The following SEC24D variants were observed in gnomAD, a reference collection of about 807,000 sequenced individuals.
The protein encoded by SEC24D is protein transport protein Sec24D.
In SEC24D, 69 loss-of-function variants were observed where a neutral mutation model predicts 116.9. The observed-to-expected ratio is 0.59, with a 90% CI of 0.49 to 0.72. The LOEUF is 0.72. Ranked by LOEUF, SEC24D falls within the 30% of genes least tolerant of loss-of-function variation. The probability of loss-of-function intolerance (pLI) is 0.00; values close to 1 mark genes in which losing one functional copy is unlikely to be tolerated. For synonymous variants in SEC24D, 405 were observed against 442.8 expected (o/e 0.91, Z 1.07); for missense variants, 1,131 against 1,264.1 (o/e 0.89, Z 1.60).
chr4:118,732,658 A>G (rs1725750454), intron 20 of SEC24D, 75 bp downstream of exon 20: 4 of 1,355,912 alleles, frequency 3.0e-6, no homozygotes, highest in Non-Finnish European at 4.1e-6. Context: ...TATTTCAGAT[A>G]TAACATACGG....
In SEC24D at chr4:118,731,369, G is replaced by C. The variant is rs757577562; in HGVS notation, c.2815C>G (p.Leu939Val). The change falls in exon 21 of 23, where the codon CTG becomes GTG. Residue 939 changes from leucine to valine, a missense_variant. Transcript: ENST00000280551. Reference sequence around the variant, plus strand: ...GGCACATTAAATATTCCTTGGATCAGTTCTGGTGGGCTGCTTACTCCCAAC... The same window carrying C: ...GGCACATTAAATATTCCTTGGATCACTTCTGGTGGGCTGCTTACTCCCAAC... Reference protein sequence around the residue: ...LWLGVSSPPELIQGIFNVPSF... With the variant: ...LWLGVSSPPEVIQGIFNVPSF... 6.2e-7 allele frequency: 1 copy of C among 1,614,040 alleles called. No individual in the cohort carries two copies. Among genetic ancestry groups the C allele is most frequent in the Non-Finnish European group, 8.5e-7 (1 of 1,179,922 alleles).
Position 118,731,336 on chromosome 4 carries a change from CA to C in SEC24D, c.2847del (p.Phe949LeufsTer8). Reference protein sequence around the residue: ...LIQGIFNVPSFAHINTDMTLL... With the variant: ...LIQGIFNVPSXAHINTDMTLL... Reference sequence around the variant, plus strand: ...CTTACCATATCTGTGTTGATATGTGCAAAAGATGGCACATTAAATATTCCTT... The same window carrying C: ...CTTACCATATCTGTGTTGATATGTGCAAAGATGGCACATTAAATATTCCTT... On this transcript the variant is annotated frameshift_variant, in exon 21 of 23. Transcript: ENST00000280551. LOFTEE classifies it high-confidence loss of function. The C allele has an allele frequency of 6.2e-7, 1 of 1,613,842 alleles. No individual in the cohort carries two copies.
chr4:118,791,736 G>A (rs1728913069), intron 8 of SEC24D, among the ~76,000 whole-genome samples: 1 of 152,160 alleles, frequency 6.6e-6, no homozygotes, highest in South Asian at 2.1e-4. Context: ...GTGCTGGCCG[G>A]GCTGGTCTCC....
At position 118,728,416 on chromosome 4, in the gene SEC24D, G is replaced by GT. The variant is rs1283692094; in HGVS notation, c.2958+144dup. ...AGATATACTTAGAGGTTAATGTGAG[G>GT]TTTTTTTAACTTTTATTTTAGATTT... On this transcript the variant is annotated intron_variant, in intron 22 of 22. Coordinates refer to ENST00000280551, the MANE Select transcript of SEC24D (RefSeq NM_014822.4). The GT allele has an allele frequency of 9.4e-5, 56 of 593,774 alleles. No homozygotes were observed. The South Asian group carries it at 9.9e-4, about 10-fold the overall frequency. The allele number at this position is 593,774 out of a possible 1,614,324, so 36.8% of individuals were successfully genotyped here. A position where few individuals can be genotyped will look rare whatever the true frequency, so the allele number is the denominator to read the frequency against.
chr4:118,731,534 G>C (rs748883342), intron 20 of SEC24D, 27 bp from the exon 21 acceptor site: 5 of 1,595,828 alleles, frequency 3.1e-6, no homozygotes, highest in Non-Finnish European at 3.4e-6. Flanking sequence ...AAAAGAGTTA[G>C]AAACTCCTTT....
At chr4:118,790,600 C>T (rs768775663) in intron 8 of SEC24D, among the ~76,000 whole-genome samples, 1 of 151,918 alleles carries the variant, frequency 6.6e-6, no homozygotes, top group Non-Finnish European at 1.5e-5. Flanking sequence ...AAATTTAAAA[C>T]GTATGGTAAG....
chr4:118,825,149 G>A lies in SEC24D; in HGVS notation c.119-400C>T, dbSNP rs1190297245. On this transcript the variant is annotated intron_variant, in intron 2 of 22. Coordinates refer to ENST00000280551, the MANE Select transcript of SEC24D (RefSeq NM_014822.4). ...AGGGTCATGGTAAAGCATTCTAACTGTAACTAAACGGGGCATGGGGGAGAA... is the reference window on the plus strand; with the variant it reads ...AGGGTCATGGTAAAGCATTCTAACTATAACTAAACGGGGCATGGGGGAGAA... Among the ~76,000 whole-genome samples, 4 of 152,204 alleles carry A rather than the reference G, an allele frequency of 2.6e-5. No homozygotes were observed. In the East Asian group the frequency reaches 7.7e-4, roughly 29 times the overall value.
At position 118,757,858 on chromosome 4, in the gene SEC24D, A is replaced by G. The variant is rs1727185674; in HGVS notation, c.1297-13T>C. On this transcript the variant is annotated splice_polypyrimidine_tract_variant and intron_variant, in intron 10 of 22. Transcript: ENST00000280551. ...GAGGCTTACTCTTCTATAGGAAAGC[A>G]AACACATCACATAAATAAAGTAAAT... 2 of 1,590,186 alleles carry G rather than the reference A, an allele frequency of 1.3e-6. No homozygotes were observed. Among genetic ancestry groups the G allele is most frequent in the African/African-American group, 2.7e-5 (2 of 73,346 alleles).
chr4:118,739,181 G>T lies in SEC24D; in HGVS notation c.2345C>A (p.Thr782Lys), dbSNP rs752649946. 2.3e-5 allele frequency: 37 copies of T among 1,613,430 alleles called. No homozygotes were observed. The highest frequency in any genetic ancestry group is 3.1e-5 in the Non-Finnish European group (37 of 1,179,502). The change falls in exon 18 of 23, where the codon ACA (threonine) becomes AAA (lysine). Residue 782 changes from threonine to lysine, a missense_variant. Coordinates refer to ENST00000280551, the MANE Select transcript of SEC24D (RefSeq NM_014822.4). ...QLADLYKSCE[T>K]DALINFFAKS... ...GGCAAAGAAGTTGATAAGAGCATCT[G>T]TCTCACAGCTCTTATAAAGATCAGC...
At position 118,757,737 on chromosome 4, in the gene SEC24D, G is replaced by A; in HGVS notation, c.1405C>T (p.Leu469=). The change falls in exon 11 of 23, where the codon CTG becomes TTG. Residue 469 remains leucine, a synonymous_variant. Coordinates refer to ENST00000280551, the MANE Select transcript of SEC24D (RefSeq NM_014822.4). ...KLICEELKTM[L]EKIPKEEQEE... Reference sequence around the variant, plus strand: ...TTGCCTTACTTTGGAATTTTTTCCAGCATGGTCTTCAGTTCTTCACATATG... The same window carrying A: ...TTGCCTTACTTTGGAATTTTTTCCAACATGGTCTTCAGTTCTTCACATATG... 1.2e-6 allele frequency: 2 copies of A among 1,605,024 alleles called. No homozygotes were observed. The highest frequency in any genetic ancestry group is 1.7e-5 in the Admixed American group (1 of 57,412).
chr4:118,821,862 C>T (rs1730418292), intron 3 of SEC24D, among the ~76,000 whole-genome samples: 1 of 152,218 alleles, frequency 6.6e-6, no homozygotes, highest in South Asian at 2.1e-4. Context: ...GAAGGCTCAG[C>T]CTGAAATACT....
intron 19 of SEC24D, chr4:118,733,429 C>T (rs574030053): frequency 1.3e-5 from 2 of 152,048 alleles, no homozygotes; most frequent in Non-Finnish European, 2.9e-5. Context: ...ATTTCCACTT[C>T]AAGAATAGCA....
chr4:118,815,363 T>C (rs1730095447), intron 5 of SEC24D, 88 bp downstream of exon 5: 15 of 1,490,074 alleles, frequency 1.0e-5, no homozygotes, highest in African/African-American at 1.4e-5. Flanking sequence ...AAGTGACAGA[T>C]ACCTAGTAAC....
Position 118,814,760 on chromosome 4 carries a change from T to C in SEC24D, c.801+268A>G, listed in dbSNP as rs566740211. Among the ~76,000 whole-genome samples, 12 of 151,924 alleles carry C rather than the reference T, an allele frequency of 7.9e-5. No individual in the cohort carries two copies. The East Asian group carries it at 2.3e-3, about 29-fold the overall frequency. Reference sequence around the variant, plus strand: ...CCAAAATATGTCAATGTAAACATTGTAGACACTGCCAAGTTTATATGACAC... The same window carrying C: ...CCAAAATATGTCAATGTAAACATTGCAGACACTGCCAAGTTTATATGACAC... On this transcript the variant is annotated intron_variant, in intron 6 of 22. Transcript: ENST00000280551.
chr4:118,752,936 A>G (rs927293745), intron 11 of SEC24D, 48 bp from the exon 12 acceptor site: 3 of 1,375,250 alleles, frequency 2.2e-6, no homozygotes, highest in Non-Finnish European at 3.0e-6. Flanking sequence ...AATTTAGATG[A>G]AAAGGAGGTT....
intron 19 of SEC24D, chr4:118,733,153 T>C (rs1725781676): frequency 2.9e-6 from 1 of 342,654 alleles, no homozygotes; most frequent in African/African-American, 2.1e-5. Flanking sequence ...TTATCAGCAC[T>C]ACCCACTCAC....
chr4:118,821,463 A>G (rs944900627), intron 3 of SEC24D, among the ~76,000 whole-genome samples: 4 of 152,210 alleles, frequency 2.6e-5, no homozygotes, highest in African/African-American at 9.6e-5. Flanking sequence ...CAAGTTTAAG[A>G]CATTTATTCT....
intron 9 of SEC24D, among the ~76,000 whole-genome samples, chr4:118,767,241 C>A (rs913947309): frequency 6.6e-6 from 1 of 152,190 alleles, no homozygotes; most frequent in Non-Finnish European, 1.5e-5. Flanking sequence ...GCAAGCAACG[C>A]TCTCCCACCA....
At chr4:118,799,477 T>C (rs1281590426) in intron 7 of SEC24D, among the ~76,000 whole-genome samples, 3 of 152,068 alleles carry the variant, frequency 2.0e-5, no homozygotes. Context: ...AAGTCTGGGG[T>C]GGAGATACAC....
Sources: allele counts gnomAD v4.1 joint callset (sites outside exome capture counted in the v4.1 genomes callset), GRCh38; gene constraint gnomAD v4.1.1; transcripts MANE v1.5; gene names NCBI Gene and HGNC (gene_info 2026-07-23, HGNC 2026-07-21).